BAZ2A: variants seen among roughly 807,000 people sequenced by gnomAD.
BAZ2A encodes the protein bromodomain adjacent to zinc finger domain protein 2A.
In BAZ2A, 34 loss-of-function variants were observed where a neutral mutation model predicts 199.9. The observed-to-expected ratio is 0.17, with a 90% CI of 0.13 to 0.23. The LOEUF (loss-of-function observed/expected upper bound fraction) is 0.23. Ranked by LOEUF, BAZ2A falls within the 10% of genes least tolerant of loss-of-function variation. The pLI is 1.00. For synonymous variants in BAZ2A, 857 were observed against 883.9 expected (o/e 0.97, Z 0.54); for missense variants, 2,002 against 2,391.1 (o/e 0.84, Z 3.39).
chr12:56,623,330 T>G (rs1417111942), intron 1 of BAZ2A, among the ~76,000 whole-genome samples: 1 of 152,020 alleles, frequency 6.6e-6, no homozygotes, highest in Non-Finnish European at 1.5e-5. Flanking sequence ...TGACCAATTC[T>G]AACCCTCCAG....
Position 56,617,488 on chromosome 12 carries a change from C to T in BAZ2A, c.43G>A (p.Ala15Thr). The T allele has an allele frequency of 6.2e-7, 1 of 1,609,552 alleles. No homozygotes were observed. Among genetic ancestry groups the T allele is most frequent in the Non-Finnish European group, 8.5e-7 (1 of 1,178,104 alleles). ...GGTTTCAGTCCTGAGGCAGCAGGTG[C>T]AGGGGGAAGGCCAGTAAAGTTAAAA... ...DHFNFTGLPPAPAASGLKPSP... is the reference protein window; with the variant it reads ...DHFNFTGLPPTPAASGLKPSP... Residue 15 changes from alanine (A) to threonine (T), a missense_variant, in exon 2 of 29, where the codon GCA (alanine) becomes ACA (threonine). Transcript: ENST00000549884.
At chr12:56,621,287 T>C in intron 1 of BAZ2A, 1 of 979,792 alleles carries the variant, frequency 1.0e-6, no homozygotes, top group Non-Finnish European at 1.2e-6. Context: ...TTTTTGTAAA[T>C]ATTAATAACA....
chr12:56,601,327 T>G lies in BAZ2A; in HGVS notation c.4147A>C (p.Lys1383Gln). The change falls in exon 21 of 29, where the codon AAG becomes CAG. Residue 1383 changes from lysine (K) to glutamine (Q), a missense_variant. Physicochemically the swap from Lys to Gln is moderately conservative, Grantham distance 53. Coordinates refer to ENST00000549884, the MANE Select transcript of BAZ2A (RefSeq NM_001300905.2). ...TCTCCAGGGTCTCCTGCTCGCCTCT[T>G]AGGGGCCAACCCAGCCAAGGGCGTG... ...SSTPLAGLAP[K>Q]RRAGDPGEMP... 1.9e-6 allele frequency: 3 copies of G among 1,614,040 alleles called. No homozygotes were observed. Among genetic ancestry groups the G allele is most frequent in the Non-Finnish European group, 2.5e-6 (3 of 1,179,892 alleles).
Position 56,601,993 on chromosome 12 carries a change from CCT to C in BAZ2A, c.3622_3623del (p.Arg1208GlyfsTer14). On this transcript the variant is annotated frameshift_variant, in exon 20 of 29. Coordinates refer to ENST00000549884, the MANE Select transcript of BAZ2A (RefSeq NM_001300905.2). LOFTEE classifies it high-confidence loss of function. The part of the protein sequence containing the change: ...MQPRHLKSPV[R>X]GQDSEQPQAQ... ...CCTGGGGCTGTTCTGAATCCTGACCCCTGACAGGGGACTTAAGATGCCTAGGT... is the reference window on the plus strand; with the variant it reads ...CCTGGGGCTGTTCTGAATCCTGACCCGACAGGGGACTTAAGATGCCTAGGT... 6.4e-7 allele frequency: 1 copy of C among 1,556,332 alleles called. No homozygotes were observed. Among genetic ancestry groups the C allele is most frequent in the Non-Finnish European group, 8.7e-7 (1 of 1,149,400 alleles).
At chr12:56,619,508 C>CAAAAAAAAAAA (rs397850754) in intron 1 of BAZ2A, among the ~76,000 whole-genome samples, 3 of 84,754 alleles carry the variant, frequency 3.5e-5, no homozygotes, top group Non-Finnish European at 4.7e-5. Context: ...GACCCTGTCT[C>CAAAAAAAAAAA]AAAAAAAAAA....
intron 13 of BAZ2A, chr12:56,605,543 T>G (rs1950318366): frequency 3.2e-6 from 2 of 622,190 alleles, no homozygotes; most frequent in Non-Finnish European, 5.4e-6. Flanking sequence ...CACCTCAGTC[T>G]CTCAAATAGC....
intron 1 of BAZ2A, among the ~76,000 whole-genome samples, chr12:56,618,095 A>C (rs1171736824): frequency 6.6e-6 from 1 of 152,212 alleles, no homozygotes; most frequent in Non-Finnish European, 1.5e-5. Context: ...GGATTTGAAA[A>C]GGAGAATACA....
chr12:56,609,649 C>T (rs1211812843), intron 10 of BAZ2A, 87 bp downstream of exon 10: 14 of 1,371,492 alleles, frequency 1.0e-5, no homozygotes, highest in Non-Finnish European at 1.4e-5. Context: ...AGTTACACTC[C>T]TGGGAAATCC....
chr12:56,604,592 T>G lies in BAZ2A; in HGVS notation c.2956A>C (p.Ile986Leu). 1.3e-6 allele frequency: 2 copies of G among 1,582,638 alleles called. No individual in the cohort carries two copies. The highest frequency in any genetic ancestry group is 2.3e-5 in the South Asian group (2 of 86,840). Reference sequence around the variant, plus strand: ...CCACTCCCAGCCTCTCACTTGATGATGAGGGTGGAGCCATTGAGCTCATGC... The same window carrying G: ...CCACTCCCAGCCTCTCACTTGATGAGGAGGGTGGAGCCATTGAGCTCATGC... ...LVHELNGSTL[I>L]INEIDKTLES... The change falls in exon 15 of 29, where the codon ATC (isoleucine) becomes CTC (leucine). Residue 986 changes from isoleucine to leucine, a missense_variant. Around this residue, in one of 6 missense-constraint regions of BAZ2A, gnomAD observed 1,081 missense variants for 1,274.7 expected, o/e 0.85. Transcript: ENST00000549884.
At chr12:56,624,443 C>A (rs1951017313) in intron 1 of BAZ2A, among the ~76,000 whole-genome samples, 1 of 152,086 alleles carries the variant, frequency 6.6e-6, no homozygotes, top group African/African-American at 2.4e-5. Context: ...GATATAAGTT[C>A]CACCATTATA....
rs36027347 is a variant in BAZ2A, at chr12:56,597,943, A to AT, written c.*674dup. On this transcript the variant is annotated 3_prime_UTR_variant, in exon 29 of 29. Transcript: ENST00000549884. ...GGACAGAAGACAGGGACCTCTGAAC[A>AT]TTTTTTTTTCCTTTGAAGGGAAAAG... 1.7e-4 allele frequency: 25 copies of AT among 150,270 alleles called. No individual in the cohort carries two copies. The highest frequency in any genetic ancestry group is 4.7e-4 in the African/African-American group (19 of 40,708). The allele number at this position is 150,270 out of a possible 1,614,324, so 9.3% of individuals were successfully genotyped here. A position where few individuals can be genotyped will look rare whatever the true frequency, so the allele number is the denominator to read the frequency against.
At chr12:56,614,334 CAA>C in intron 3 of BAZ2A, 196 bp from the exon 4 acceptor site, 2 of 542,490 alleles carry the variant, frequency 3.7e-6, no homozygotes, top group South Asian at 2.9e-5. Flanking sequence ...CTACAGCAGG[CAA>C]AGAGAGGAAA....
intron 19 of BAZ2A, 151 bp downstream of exon 19, chr12:56,602,562 G>C (rs1489053225): frequency 3.9e-6 from 4 of 1,036,502 alleles, no homozygotes; most frequent in Non-Finnish European, 5.5e-6. Flanking sequence ...GGCAGAGCAG[G>C]TGGGTAGGCA....
chr12:56,609,749 T>C lies in BAZ2A; in HGVS notation c.2079A>G (p.Lys693=). ...LNKTDNRPLK[K]LEAQETLNEE... Reference sequence around the variant, plus strand: ...ATACCACTGTACCTTGGGCCTCCAGTTTCTTTAGGGGGCGGTTGTCTGTCT... The same window carrying C: ...ATACCACTGTACCTTGGGCCTCCAGCTTCTTTAGGGGGCGGTTGTCTGTCT... The change falls in exon 10 of 29, where the codon AAA becomes AAG. Residue 693 remains lysine, a synonymous_variant. Transcript: ENST00000549884. 1 of 1,613,794 alleles carries C rather than the reference T, an allele frequency of 6.2e-7. No individual in the cohort carries two copies. The highest frequency in any genetic ancestry group is 8.5e-7 in the Non-Finnish European group (1 of 1,179,814).
intron 10 of BAZ2A, among the ~76,000 whole-genome samples, chr12:56,607,047 G>C (rs960949570): frequency 6.6e-6 from 1 of 152,098 alleles, no homozygotes; most frequent in Non-Finnish European, 1.5e-5. Context: ...AGTAGCCTTG[G>C]AGCCAATCTC....
chr12:56,625,371 G>A (rs1224243466), intron 1 of BAZ2A, among the ~76,000 whole-genome samples: 3 of 151,718 alleles, frequency 2.0e-5, no homozygotes, highest in African/African-American at 7.3e-5. Context: ...GGTCAGGCTG[G>A]TCTTGAACTC....
chr12:56,600,875 G>C, intron 22 of BAZ2A, 43 bp from the exon 23 acceptor site: 1 of 1,611,546 alleles, frequency 6.2e-7, no homozygotes, highest in South Asian at 1.1e-5. Flanking sequence ...TCAGGCTGTT[G>C]TCCCTAGCAG....
At chr12:56,628,212 AAAAAAGAAAAG>A (rs1221267977) in intron 1 of BAZ2A, among the ~76,000 whole-genome samples, 32 of 151,272 alleles carry the variant, frequency 2.1e-4, no homozygotes, top group Middle Eastern at 3.4e-3. Context: ...CAGAAAGAAA[AAAAAAGAAAAG>A]AAAAAGAAAA....
chr12:56,603,021 C>G (rs772294425), intron 18 of BAZ2A, among the ~76,000 whole-genome samples, 164 bp from the exon 19 acceptor site: 2 of 152,216 alleles, frequency 1.3e-5, no homozygotes, highest in South Asian at 4.1e-4. Flanking sequence ...CGGTGGCTCA[C>G]GCCTGTAATC....
Sources: gnomAD v4.1 joint callset for allele counts (sites outside exome capture counted in the v4.1 genomes callset) on GRCh38, gnomAD v4.1.1 for gene constraint, gnomAD v4.1.1 regional missense constraint, MANE v1.5 for transcripts, NCBI Gene and HGNC (gene_info 2026-07-23, HGNC 2026-07-21) for gene names.